Variants in PSD3 observed in about 807,000 individuals in gnomAD.
PSD3 encodes the protein PH and SEC7 domain-containing protein 3.
In PSD3, 49 loss-of-function variants were observed where a neutral mutation model predicts 105.5. The observed-to-expected ratio is 0.46, with a 90% CI of 0.37 to 0.59. The LOEUF is 0.59. Ranked by LOEUF, PSD3 falls within the 20% of genes least tolerant of loss-of-function variation. PSD3 has a pLI of 0.00. For synonymous variants in PSD3, 557 were observed against 457.8 expected (o/e 1.22, Z -2.77); for missense variants, 1,561 against 1,263.8 (o/e 1.24, Z -3.57).
chr8:19,026,531 T>C (rs1827555351), intron 1 of PSD3, among the ~76,000 whole-genome samples: 1 of 151,964 alleles, frequency 6.6e-6, no homozygotes, highest in Non-Finnish European at 1.5e-5. Flanking sequence ...TTTCCAGCAC[T>C]GGGTATATTG....
chr8:18,627,021 A>G (rs912048575), intron 11 of PSD3, among the ~76,000 whole-genome samples: 44 of 152,136 alleles, frequency 2.9e-4, no homozygotes, highest in African/African-American at 9.9e-4. Flanking sequence ...CCCAAGAAAC[A>G]GTAACTGCTA....
intron 9 of PSD3, among the ~76,000 whole-genome samples, chr8:18,736,645 G>A (rs926360676): frequency 6.6e-6 from 1 of 152,088 alleles, no homozygotes; most frequent in African/African-American, 2.4e-5. Context: ...GATAAGGGCA[G>A]ATTACCCCAG....
chr8:18,675,943 C>T (rs1050211275), intron 9 of PSD3, among the ~76,000 whole-genome samples: 2 of 152,136 alleles, frequency 1.3e-5, no homozygotes, highest in African/African-American at 4.8e-5. Context: ...CTAAGCCAGG[C>T]ATGATCTAAC....
intron 2 of PSD3, among the ~76,000 whole-genome samples, chr8:18,876,359 A>T (rs1033071579): frequency 1.3e-5 from 2 of 152,138 alleles, no homozygotes; most frequent in Non-Finnish European, 2.9e-5. Flanking sequence ...AAATGTGTAT[A>T]TAAGTTTCAG....
chr8:18,812,009 G>A (rs1294954190), intron 4 of PSD3, among the ~76,000 whole-genome samples: 3 of 152,064 alleles, frequency 2.0e-5, no homozygotes, highest in Non-Finnish European at 2.9e-5. Context: ...ATTAAATAAC[G>A]ATTGCTTACT....
intron 4 of PSD3, among the ~76,000 whole-genome samples, chr8:18,853,799 T>C (rs891667612): frequency 2.0e-5 from 3 of 152,154 alleles, no homozygotes; most frequent in Non-Finnish European, 4.4e-5. Flanking sequence ...GGAGTTCACA[T>C]GCAGTCTAGG....
At chr8:18,750,271 T>A (rs1280634186) in intron 9 of PSD3, among the ~76,000 whole-genome samples, 3 of 152,100 alleles carry the variant, frequency 2.0e-5, no homozygotes, top group Admixed American at 2.0e-4. Flanking sequence ...AGGTGGCGCG[T>A]CTGGAGTTTG....
At chr8:18,840,694 A>C (rs1396643819) in intron 4 of PSD3, among the ~76,000 whole-genome samples, 1 of 152,200 alleles carries the variant, frequency 6.6e-6, no homozygotes, top group African/African-American at 2.4e-5. Context: ...GTATCCAGGC[A>C]GTCTGACTTT....
At chr8:18,570,479 T>C (rs1802059143) in intron 14 of PSD3, among the ~76,000 whole-genome samples, 1 of 145,320 alleles carries the variant, frequency 6.9e-6, no homozygotes, top group Non-Finnish European at 1.5e-5. Flanking sequence ...GGGATCTAAT[T>C]AAACTAAAGA....
intron 3 of PSD3, 25 bp downstream of exon 3, chr8:18,871,601 C>T: frequency 1.3e-6 from 2 of 1,564,744 alleles, no homozygotes; most frequent in Middle Eastern, 1.8e-4. Context: ...GCATCTGAGA[C>T]AGCAGGGCTA....
At chr8:18,784,889 G>C (rs887808250) in intron 8 of PSD3, among the ~76,000 whole-genome samples, 2 of 152,100 alleles carry the variant, frequency 1.3e-5, no homozygotes, top group Non-Finnish European at 2.9e-5. Context: ...TTAAATCAAT[G>C]GTCAGTGGTA....
intron 2 of PSD3, among the ~76,000 whole-genome samples, chr8:18,909,412 T>C (rs1820058217): frequency 6.6e-6 from 1 of 152,154 alleles, no homozygotes; most frequent in Non-Finnish European, 1.5e-5. Context: ...ATAACTTAGC[T>C]ATGGATAAAA....
chr8:19,047,146 G>A (rs539924368), intron 1 of PSD3, among the ~76,000 whole-genome samples: 1 of 152,172 alleles, frequency 6.6e-6, no homozygotes, highest in Admixed American at 6.5e-5. Flanking sequence ...ACTAAACTAG[G>A]TGCTTAAGAG....
At chr8:18,572,852 A>G (rs527380235) in intron 13 of PSD3, among the ~76,000 whole-genome samples, 180 bp from the exon 14 acceptor site, 22 of 152,310 alleles carry the variant, frequency 1.4e-4, no homozygotes, top group African/African-American at 5.1e-4. Context: ...TCACCAAAGA[A>G]GCTATGATCA....
chr8:18,600,444 G>T lies in PSD3; in HGVS notation c.2411-10C>A. ...CGTTTTCCTCTTGGAGCTAGAAAGG[G>T]GGAAAAAATGTAAAATTTTATTTGA... On this transcript the variant is annotated splice_polypyrimidine_tract_variant and intron_variant, in intron 11 of 15. Coordinates refer to ENST00000327040, the MANE Select transcript of PSD3 (RefSeq NM_015310.4). 1 of 1,584,516 alleles carries T rather than the reference G, an allele frequency of 6.3e-7. No individual in the cohort carries two copies. Among genetic ancestry groups the T allele is most frequent in the South Asian group, 1.2e-5 (1 of 86,692 alleles).
chr8:18,608,315 G>A (rs1434797888), intron 11 of PSD3, among the ~76,000 whole-genome samples: 1 of 152,228 alleles, frequency 6.6e-6, no homozygotes, highest in Non-Finnish European at 1.5e-5. Flanking sequence ...CACAGTAAAT[G>A]GTCTGTACCA....
chr8:18,927,687 G>C (rs562777484), intron 2 of PSD3, among the ~76,000 whole-genome samples: 1 of 152,310 alleles, frequency 6.6e-6, no homozygotes, highest in African/African-American at 2.4e-5. Flanking sequence ...ACACGTAGGA[G>C]AAAGTCCGAA....
intron 1 of PSD3, among the ~76,000 whole-genome samples, chr8:19,080,721 A>C (rs1315221196): frequency 6.6e-6 from 1 of 152,218 alleles, no homozygotes; most frequent in Non-Finnish European, 1.5e-5. Flanking sequence ...TTGAGGACCA[A>C]CGGTGAGGTA....
intron 1 of PSD3, among the ~76,000 whole-genome samples, chr8:18,982,678 A>C (rs1825301120): frequency 6.6e-6 from 1 of 152,226 alleles, no homozygotes; most frequent in South Asian, 2.1e-4. Flanking sequence ...TGCATGGCTG[A>C]AGAGCAGTGA....
Sources: gnomAD v4.1 joint callset for allele counts (sites outside exome capture counted in the v4.1 genomes callset) on GRCh38, gnomAD v4.1.1 for gene constraint, MANE v1.5 for transcripts, NCBI Gene and HGNC (gene_info 2026-07-23, HGNC 2026-07-21) for gene names.